The following GNAS variants were observed in gnomAD, a reference collection of about 807,000 sequenced individuals.
The protein encoded by GNAS is protein ALEX.
In GNAS, 8 loss-of-function variants were observed where a neutral mutation model predicts 54.5. The observed-to-expected ratio is 0.15, with a 90% CI of 0.09 to 0.26. The LOEUF is 0.26. Ranked by LOEUF, GNAS falls within the 10% of genes least tolerant of loss-of-function variation. GNAS has a pLI of 1.00. For synonymous variants in GNAS, 204 were observed against 191.4 expected, an observed-to-expected ratio of 1.07 and a Z score of -0.54; for missense variants, 170 against 529.8, an observed-to-expected ratio of 0.32 and a Z score of 6.67.
intron 1 of GNAS, chr20:58,849,031 A>C (rs1252309145): frequency 4.3e-5 from 17 of 395,430 alleles, no homozygotes; most frequent in Non-Finnish European, 4.5e-6. Context: ...ATTTAAATCT[A>C]AGGGTCCTTT....
chr20:58,891,949 C>T lies in GNAS; in HGVS notation c.139+84C>T, dbSNP rs1228077125. On this transcript the variant is annotated intron_variant, in intron 1 of 12. Coordinates refer to ENST00000371085, the MANE Select transcript of GNAS (RefSeq NM_000516.7). ...GGCCGCGCGCGCCGAGCCCGCCCCC[C>T]GCCCCGGGCGCGCGCTCCCGAGCCC... 7.1e-6 allele frequency: 6 copies of T among 844,494 alleles called. No individual in the cohort carries two copies. The African/African-American group carries it at 9.3e-5, about 13-fold the overall frequency. 52.3% of individuals were successfully genotyped at this position (844,494 alleles called of 1,614,324 possible). A position where few individuals can be genotyped will look rare whatever the true frequency, so the allele number is the denominator to read the frequency against.
In GNAS at chr20:58,910,235, A is replaced by T; in HGVS notation, c.971-99A>T. 1 of 1,273,832 alleles carries T rather than the reference A, an allele frequency of 7.9e-7. No individual in the cohort carries two copies. The highest frequency in any genetic ancestry group is 1.2e-6 in the Non-Finnish European group (1 of 869,536). The allele number at this position is 1,273,832 out of a possible 1,614,324, so 78.9% of individuals were successfully genotyped here. A position where few individuals can be genotyped will look rare whatever the true frequency, so the allele number is the denominator to read the frequency against. ...CACTCCCACTAATTCTCATATGGAA[A>T]AATCAGGGTTTTGAAGACTTCAGGA... On this transcript the variant is annotated intron_variant, in intron 11 of 12. Transcript: ENST00000371085. The surrounding 1 kb of genome is among the most constrained non-coding windows in gnomAD (Gnocchi z 5.8).
At chr20:58,901,775 G>A (rs958429192) in intron 3 of GNAS, among the ~76,000 whole-genome samples, 1 of 152,050 alleles carries the variant, frequency 6.6e-6, no homozygotes, top group African/African-American at 2.4e-5. Flanking sequence ...CTTTGAGAAA[G>A]GAAAGACCAA....
At position 58,853,775 on chromosome 20, in the gene GNAS, C is replaced by G; in HGVS notation, c.43+12889C>G. On this transcript the variant is annotated intron_variant, in intron 1 of 12. Coordinates refer to the GNAS transcript ENST00000306090. The surrounding 1 kb of genome is among the most constrained non-coding windows in gnomAD (Gnocchi z 4.4). ...TGCCCTTTGAGTTTGACCAGCCTGC[C>G]CAGAGAGGCTGCAGTCAACTTCTCT... 1 of 1,613,068 alleles carries G rather than the reference C, an allele frequency of 6.2e-7. No homozygotes were observed. The highest frequency in any genetic ancestry group is 8.5e-7 in the Non-Finnish European group (1 of 1,179,576).
chr20:58,887,457 T>C (rs534740642), upstream of GNAS, among the ~76,000 whole-genome samples: 2 of 152,226 alleles, frequency 1.3e-5, no homozygotes, highest in Non-Finnish European at 2.9e-5. Context: ...TGGATGGTAG[T>C]GAGCCTCACT....
chr20:58,864,928 G>GACACACACACACAC (rs144642876), intron 1 of GNAS, among the ~76,000 whole-genome samples: 1 of 138,842 alleles, frequency 7.2e-6, no homozygotes, highest in Non-Finnish European at 1.6e-5. Flanking sequence ...CTACCTACCA[G>GACACACACACACAC]ACACACACAC....
upstream of GNAS, among the ~76,000 whole-genome samples, chr20:58,888,105 C>CT (rs1426515372): frequency 2.0e-5 from 3 of 152,206 alleles, no homozygotes; most frequent in Non-Finnish European, 2.9e-5. Flanking sequence ...GTAGACTTTT[C>CT]TTTTTTCTCC....
chr20:58,842,047 G>A, intron 1 of GNAS: 1 of 541,922 alleles, frequency 1.8e-6, no homozygotes. Context: ...GGCGGCTCCG[G>A]CAGCCTTGGG....
Position 58,841,864 on chromosome 20 carries a change from G to A in GNAS, c.43+978G>A. ...ACCTCTGGAGGCCCTCGAGATCGTCGCAAGTGGAAAGGTAAAGCGGAACAA... is the reference window on the plus strand; with the variant it reads ...ACCTCTGGAGGCCCTCGAGATCGTCACAAGTGGAAAGGTAAAGCGGAACAA... On this transcript the variant is annotated intron_variant, in intron 1 of 12. Transcript: ENST00000306090. This position sits in a 1 kb window ranked among gnomAD's most constrained non-coding sequence, Gnocchi z 5.0. 2 of 1,231,180 alleles carry A rather than the reference G, an allele frequency of 1.6e-6. No homozygotes were observed. The highest frequency in any genetic ancestry group is 2.0e-6 in the Non-Finnish European group (2 of 987,972). 76.3% of individuals were successfully genotyped at this position (1,231,180 alleles called of 1,614,324 possible).
Position 58,903,287 on chromosome 20 carries a change from A to G in GNAS, c.258-244A>G, listed in dbSNP as rs1474506759. On this transcript the variant is annotated intron_variant, in intron 3 of 12. Coordinates refer to ENST00000371085, the MANE Select transcript of GNAS (RefSeq NM_000516.7). Reference sequence around the variant, plus strand: ...AAATGAGCTGCATGCAACTTCTGGTACAGTCATGATTGCTAAGGCAATTTG... The same window carrying G: ...AAATGAGCTGCATGCAACTTCTGGTGCAGTCATGATTGCTAAGGCAATTTG... 9.9e-6 allele frequency: 6 copies of G among 603,434 alleles called. No individual in the cohort carries two copies. The Admixed American group carries it at 1.2e-4, about 12-fold the overall frequency. 37.4% of individuals were successfully genotyped at this position (603,434 alleles called of 1,614,324 possible).
intron 2 of GNAS, chr20:58,897,509 G>A (rs1023229335): frequency 2.0e-5 from 3 of 152,154 alleles, no homozygotes; most frequent in Non-Finnish European, 4.4e-5. Context: ...AGCTTGAGTC[G>A]GATGGAAGCT....
chr20:58,894,090 C>T (rs1295724004), intron 1 of GNAS, among the ~76,000 whole-genome samples: 1 of 152,186 alleles, frequency 6.6e-6, no homozygotes, highest in South Asian at 2.1e-4. Flanking sequence ...AATAATGCCC[C>T]AAATCCTCTT....
intron 1 of GNAS, 86 bp downstream of exon 1, chr20:58,891,951 C>A: frequency 2.1e-5 from 18 of 844,802 alleles, no homozygotes; most frequent in Non-Finnish European, 2.6e-5. Context: ...CCGCCCCCCG[C>A]CCCGGGCGCG....
intron 6 of GNAS, among the ~76,000 whole-genome samples, chr20:58,908,528 T>C (rs1239249970): frequency 6.6e-6 from 1 of 152,012 alleles, no homozygotes; most frequent in East Asian, 1.9e-4. Context: ...TAAAACAATC[T>C]CGTGTGCCCT....
chr20:58,906,620 C>T (rs916846801), intron 6 of GNAS, among the ~76,000 whole-genome samples: 2 of 152,182 alleles, frequency 1.3e-5, no homozygotes, highest in South Asian at 4.1e-4. Flanking sequence ...CAACCTCTGC[C>T]TCCTGGGTTC....
At position 58,909,018 on chromosome 20, in the gene GNAS, C is replaced by T. The variant is rs1185382479; in HGVS notation, c.531-144C>T. 1.2e-5 allele frequency: 9 copies of T among 781,480 alleles called. No homozygotes were observed. The highest frequency in any genetic ancestry group is 2.7e-5 in the South Asian group (2 of 73,948). The allele number at this position is 781,480 out of a possible 1,614,324, so 48.4% of individuals were successfully genotyped here. A position where few individuals can be genotyped will look rare whatever the true frequency, so the allele number is the denominator to read the frequency against. On this transcript the variant is annotated intron_variant, in intron 6 of 12. Coordinates refer to ENST00000371085, the MANE Select transcript of GNAS (RefSeq NM_000516.7). The surrounding 1 kb of genome is among the most constrained non-coding windows in gnomAD (Gnocchi z 7.3). ...CTTTGAGTTACAAATGTAACCAACA[C>T]ACAAGCAAATGTGCCATTGACTTAG...
upstream of GNAS, among the ~76,000 whole-genome samples, chr20:58,890,966 AC>A (rs1014440194): frequency 7.1e-6 from 1 of 141,042 alleles, no homozygotes; most frequent in Non-Finnish European, 1.6e-5. Context: ...CCTTCCGCCC[AC>A]CCCAGCCCCT....
chr20:58,874,685 TTCTATCTTTGCTCCTGGCCTGCCC>T (rs2087686981), intron 1 of GNAS, among the ~76,000 whole-genome samples: 1 of 146,004 alleles, frequency 6.8e-6, no homozygotes, highest in African/African-American at 2.6e-5. Context: ...CTGGCCTGCC[TTCTATCTTTGCTCCTGGCCTGCCC>T]TCTATCTTTG....
chr20:58,877,592 A>G (rs2087911130), intron 1 of GNAS, among the ~76,000 whole-genome samples: 1 of 152,234 alleles, frequency 6.6e-6, no homozygotes, highest in Non-Finnish European at 1.5e-5. Flanking sequence ...AGGGCTTCAG[A>G]GCAGGATAAA....
Sources: allele counts gnomAD v4.1 joint callset (sites outside exome capture counted in the v4.1 genomes callset), GRCh38; gene constraint gnomAD v4.1.1; non-coding constraint Gnocchi (gnomAD v3.1); transcripts MANE v1.5; gene names NCBI Gene and HGNC (gene_info 2026-07-23, HGNC 2026-07-21).